Variants in AIG1 observed in about 807,000 individuals in gnomAD.
The protein encoded by AIG1 is androgen-induced gene 1 protein.
Under a neutral mutation model 31.4 loss-of-function variants are expected in AIG1, and 23 were observed. The ratio of observed to expected loss-of-function variants is 0.73; its 90% CI spans 0.53 to 1.04. The LOEUF is 1.04. Among genes scored for constraint, AIG1 ranks in the 50% least tolerant of loss-of-function variants. AIG1 has a pLI of 0.00. For missense variants in AIG1, 274 were observed against 295.0 expected, an observed-to-expected ratio of 0.93 and a Z score of 0.52; for synonymous variants, 100 against 110.5, an observed-to-expected ratio of 0.90 and a Z score of 0.60.
At chr6:143,230,877 C>G (rs1485114768) in intron 3 of AIG1, among the ~76,000 whole-genome samples, 1 of 152,182 alleles carries the variant, frequency 6.6e-6, no homozygotes, top group Non-Finnish European at 1.5e-5. Flanking sequence ...CACCTTGCCC[C>G]TCTTTATTTC....
Position 143,297,264 on chromosome 6 carries a change from A to G in AIG1, c.515+13039A>G, listed in dbSNP as rs1417069707. On this transcript the variant is annotated intron_variant, in intron 4 of 5. Coordinates refer to ENST00000357847, the MANE Select transcript of AIG1 (RefSeq NM_016108.4). This position sits in a 1 kb window ranked among gnomAD's most constrained non-coding sequence, Gnocchi z 5.1. Reference sequence around the variant, plus strand: ...AGAAAAAGCAGATGGCCTAGAAGCAACGGAGAGGAAACCATAGTCAGGGAG... The same window carrying G: ...AGAAAAAGCAGATGGCCTAGAAGCAGCGGAGAGGAAACCATAGTCAGGGAG... 6.6e-6 allele frequency among the ~76,000 whole-genome samples: 1 copy of G among 152,196 alleles called. No individual in the cohort carries two copies. The highest frequency in any genetic ancestry group is 1.5e-5 in the Non-Finnish European group (1 of 68,032).
chr6:143,141,376 C>T (rs1784233095), intron 2 of AIG1, among the ~76,000 whole-genome samples: 1 of 152,190 alleles, frequency 6.6e-6, no homozygotes, highest in South Asian at 2.1e-4. Flanking sequence ...GAGCATGAAG[C>T]CCTAAATATG....
chr6:143,278,070 A>T (rs73781142), intron 3 of AIG1, among the ~76,000 whole-genome samples: 169 of 152,336 alleles, frequency 1.1e-3, no homozygotes, highest in African/African-American at 3.8e-3. Context: ...TGCCATCACA[A>T]ATAGTCCAAA....
chr6:143,084,582 G>A (rs192855947), intron 1 of AIG1, among the ~76,000 whole-genome samples: 1 of 152,234 alleles, frequency 6.6e-6, no homozygotes, highest in Non-Finnish European at 1.5e-5. Flanking sequence ...CCAGGCCTAA[G>A]GCGGACTTTT....
chr6:143,187,615 C>T (rs756131265), intron 3 of AIG1: 79 of 1,535,538 alleles, frequency 5.1e-5, no homozygotes, highest in South Asian at 2.9e-4. Context: ...ATGTTGCGAC[C>T]TTTCTTTCTG....
chr6:143,066,302 A>C (rs1033156327), intron 1 of AIG1, among the ~76,000 whole-genome samples: 1 of 151,062 alleles, frequency 6.6e-6, no homozygotes, highest in African/African-American at 2.4e-5. Flanking sequence ...TTTGAGACAG[A>C]GTTTCACTCT....
chr6:143,219,349 G>T (rs1356670576), intron 3 of AIG1, among the ~76,000 whole-genome samples: 1 of 152,082 alleles, frequency 6.6e-6, no homozygotes, highest in Non-Finnish European at 1.5e-5. Flanking sequence ...GCATGCCTGT[G>T]GTCCCAGCTA....
At chr6:143,260,921 C>T (rs1352338707) in intron 3 of AIG1, among the ~76,000 whole-genome samples, 2 of 152,164 alleles carry the variant, frequency 1.3e-5, no homozygotes, top group Non-Finnish European at 2.9e-5. Flanking sequence ...CCCCGCCATC[C>T]CTTTGCTCAT....
chr6:143,158,861 C>T (rs1409606453), intron 2 of AIG1, among the ~76,000 whole-genome samples: 5 of 152,190 alleles, frequency 3.3e-5, no homozygotes, highest in Non-Finnish European at 5.9e-5. Flanking sequence ...CAGCAATAGA[C>T]TTTATTCATT....
intron 1 of AIG1, among the ~76,000 whole-genome samples, chr6:143,104,962 G>A (rs186101547): frequency 1.1e-4 from 17 of 152,110 alleles, no homozygotes; most frequent in African/African-American, 2.9e-4. Context: ...AGTAGGCCTC[G>A]AATTGAACTC....
chr6:143,274,913 G>C (rs570526037), intron 3 of AIG1, among the ~76,000 whole-genome samples: 12 of 152,292 alleles, frequency 7.9e-5, no homozygotes, highest in Non-Finnish European at 1.3e-4. Context: ...GAAATGTCTA[G>C]TATAAACTCA....
chr6:143,306,739 C>A (rs1041950952), intron 4 of AIG1, among the ~76,000 whole-genome samples: 217 of 152,084 alleles, frequency 1.4e-3, no homozygotes, highest in African/African-American at 4.8e-3. Flanking sequence ...TGAATCTGAA[C>A]GTTGGCCTGC....
chr6:143,308,159 T>G (rs1019288843), intron 4 of AIG1, among the ~76,000 whole-genome samples: 1 of 152,238 alleles, frequency 6.6e-6, no homozygotes, highest in Non-Finnish European at 1.5e-5. Context: ...TTGCGCTTCC[T>G]GAGTGAGGCA....
intron 1 of AIG1, among the ~76,000 whole-genome samples, chr6:143,073,014 A>C (rs1259205118): frequency 6.6e-6 from 1 of 152,106 alleles, no homozygotes; most frequent in Non-Finnish European, 1.5e-5. Context: ...CCTCTGACCT[A>C]CTTCTCCCCA....
chr6:143,246,234 A>G (rs1197041869), intron 3 of AIG1, among the ~76,000 whole-genome samples: 2 of 151,480 alleles, frequency 1.3e-5, no homozygotes, highest in Admixed American at 6.6e-5. Flanking sequence ...TTGTTTTCAC[A>G]CTGCTGATAA....
chr6:143,262,906 C>A (rs956545430), intron 3 of AIG1, among the ~76,000 whole-genome samples: 1 of 152,124 alleles, frequency 6.6e-6, no homozygotes, highest in Non-Finnish European at 1.5e-5. Flanking sequence ...TTCTAATTTT[C>A]TCCCCTTTAC....
At position 143,170,279 on chromosome 6, in the gene AIG1, A is replaced by G. The variant is rs77427811; in HGVS notation, c.399+5096A>G. On this transcript the variant is annotated intron_variant, in intron 3 of 5. Coordinates refer to ENST00000357847, the MANE Select transcript of AIG1 (RefSeq NM_016108.4). The stretch of plus-strand genomic sequence containing the variant: ...CAATCTCATTGCTTGTTATTGGTCT[A>G]TTCAGGTTTTCTGTTTTCTCCTGGC... 4.0e-3 allele frequency among the ~76,000 whole-genome samples: 612 copies of G among 152,136 alleles called. 5 individuals are homozygous for G. Among genetic ancestry groups the G allele is most frequent in the African/African-American group, 0.014 (571 of 41,540 alleles).
chr6:143,137,187 A>G lies in AIG1; in HGVS notation c.297+197A>G, dbSNP rs373277673. 5.3e-5 allele frequency among the ~76,000 whole-genome samples: 8 copies of G among 152,304 alleles called. No individual in the cohort carries two copies. The East Asian group carries it at 1.3e-3, about 26-fold the overall frequency. On this transcript the variant is annotated intron_variant, in intron 2 of 5. Transcript: ENST00000357847. ...TTCTGGAGGCTGAAGTCTGAGATGCAGTTGTCCACAGGGTTCGTTTCTTCT... is the reference window on the plus strand; with the variant it reads ...TTCTGGAGGCTGAAGTCTGAGATGCGGTTGTCCACAGGGTTCGTTTCTTCT...
intron 3 of AIG1, among the ~76,000 whole-genome samples, chr6:143,204,393 C>A (rs1397358961): frequency 1.3e-5 from 2 of 152,022 alleles, no homozygotes; most frequent in Non-Finnish European, 2.9e-5. Context: ...GGTACTCTGA[C>A]TTTTTTTGGC....
Sources: gnomAD v4.1 joint callset for allele counts (sites outside exome capture counted in the v4.1 genomes callset) on GRCh38, gnomAD v4.1.1 for gene constraint, Gnocchi (gnomAD v3.1) non-coding constraint, MANE v1.5 for transcripts, NCBI Gene and HGNC (gene_info 2026-07-23, HGNC 2026-07-21) for gene names.